DNAJC3: variants seen among roughly 807,000 people sequenced by gnomAD.
DNAJC3 encodes DnaJ heat shock protein family (Hsp40) member C3, also known as dnaJ homolog subfamily C member 3.
A neutral mutation model predicts 68.6 loss-of-function variants in DNAJC3; 38 were observed. The observed-to-expected ratio is 0.55, with a 90% confidence interval of 0.43 to 0.73. DNAJC3 has a LOEUF of 0.73. DNAJC3 is among the 30% of genes least tolerant of loss of function. The pLI is 0.00. For missense variants in DNAJC3, 526 were observed against 591.9 expected, an observed-to-expected ratio of 0.89 and a Z score of 1.16; for synonymous variants, 203 against 204.0, an observed-to-expected ratio of 1.00 and a Z score of 0.04.
chr13:95,780,530 G>A (rs537816419), intron 9 of DNAJC3, among the ~76,000 whole-genome samples: 6 of 152,240 alleles, frequency 3.9e-5, no homozygotes, highest in Admixed American at 1.3e-4. Flanking sequence ...TTCCCCCTTC[G>A]TCTTAGGTTC....
rs368847098 is a variant in DNAJC3, at chr13:95,775,605, T to C, written c.1076-10334T>C. Among the ~76,000 whole-genome samples, 3 of 152,326 alleles carry C rather than the reference T, an allele frequency of 2.0e-5. No homozygotes were observed. The South Asian group carries it at 6.2e-4, about 32-fold the overall frequency. On this transcript the variant is annotated intron_variant, in intron 9 of 11. Transcript: ENST00000602402. ...TTACCTTTCAGCTACATTTTAAGTA[T>C]GTGTTAGTATACTTTTATAATGTTT...
At chr13:95,758,478 A>G (rs982765460) in intron 5 of DNAJC3, among the ~76,000 whole-genome samples, 1 of 151,966 alleles carries the variant, frequency 6.6e-6, no homozygotes, top group African/African-American at 2.4e-5. Context: ...TCTAAAAAAA[A>G]AAAAAAGAAA....
At chr13:95,779,507 T>C (rs971641190) in intron 9 of DNAJC3, among the ~76,000 whole-genome samples, 6 of 152,350 alleles carry the variant, frequency 3.9e-5, no homozygotes, top group Admixed American at 1.3e-4. Context: ...GAAAGTAATA[T>C]GCAATACACA....
chr13:95,709,123 C>A, intron 1 of DNAJC3, 104 bp from the exon 2 acceptor site: 1 of 754,984 alleles, frequency 1.3e-6, no homozygotes, highest in Non-Finnish European at 1.9e-6. Flanking sequence ...CTTTTCTCAT[C>A]TGAGTAGATG....
At chr13:95,711,527 T>C (rs923202458) in intron 2 of DNAJC3, among the ~76,000 whole-genome samples, 3 of 151,472 alleles carry the variant, frequency 2.0e-5, no homozygotes, top group Non-Finnish European at 4.4e-5. Flanking sequence ...ACAAAAACTC[T>C]ACTCAAGAGA....
intron 1 of DNAJC3, among the ~76,000 whole-genome samples, chr13:95,685,266 A>G (rs1880042675): frequency 6.6e-6 from 1 of 152,206 alleles, no homozygotes; most frequent in African/African-American, 2.4e-5. Flanking sequence ...TGAGACATGG[A>G]GTCAAAGGAG....
chr13:95,746,662 T>C (rs1015306075), intron 4 of DNAJC3, among the ~76,000 whole-genome samples: 1 of 152,220 alleles, frequency 6.6e-6, no homozygotes, highest in Non-Finnish European at 1.5e-5. Flanking sequence ...TTTTATATGT[T>C]CTTGGTTAAA....
intron 1 of DNAJC3, among the ~76,000 whole-genome samples, chr13:95,679,734 T>G (rs941048840): frequency 6.6e-6 from 1 of 152,228 alleles, no homozygotes; most frequent in Non-Finnish European, 1.5e-5. Context: ...GCTTCACTCT[T>G]ATTAATCTGC....
chr13:95,730,059 G>A (rs1214749112), intron 4 of DNAJC3, among the ~76,000 whole-genome samples: 5 of 152,068 alleles, frequency 3.3e-5, no homozygotes, highest in African/African-American at 9.7e-5. Context: ...TGGCATGATC[G>A]TGGCTTACTG....
At chr13:95,775,917 C>T (rs373513889) in intron 9 of DNAJC3, among the ~76,000 whole-genome samples, 3 of 152,238 alleles carry the variant, frequency 2.0e-5, no homozygotes, top group South Asian at 2.1e-4. Flanking sequence ...CTCTGTCTTA[C>T]TAAGAACATC....
At chr13:95,783,395 A>G (rs1883509051) in intron 9 of DNAJC3, among the ~76,000 whole-genome samples, 1 of 152,240 alleles carries the variant, frequency 6.6e-6, no homozygotes, top group Non-Finnish European at 1.5e-5. Context: ...TGTTTTAAAT[A>G]TAGAGTCTGC....
At chr13:95,786,956 A>C in intron 10 of DNAJC3, 51 bp from the exon 11 acceptor site, 1 of 1,560,798 alleles carries the variant, frequency 6.4e-7, no homozygotes, top group Non-Finnish European at 8.6e-7. Context: ...TTTTTATGAT[A>C]GTATGTTAGA....
chr13:95,728,643 G>A (rs6492818), intron 4 of DNAJC3, among the ~76,000 whole-genome samples: 17,335 of 152,130 alleles, frequency 0.11, 1,052 homozygotes, highest in Middle Eastern at 0.18. Flanking sequence ...TTCACAGGAT[G>A]TTTTATAGAA....
chr13:95,744,389 A>T lies in DNAJC3; in HGVS notation c.394-13255A>T, dbSNP rs189164105. 2.7e-3 allele frequency among the ~76,000 whole-genome samples: 414 copies of T among 152,344 alleles called. 2 individuals carry two copies. Among genetic ancestry groups the T allele is most frequent in the African/African-American group, 9.7e-3 (404 of 41,574 alleles). On this transcript the variant is annotated intron_variant, in intron 4 of 11. Transcript: ENST00000602402. ...AAGTTAAATTTCAAAACTACAAGTC[A>T]TTTTTAAAAGTTATATTAAAACAAT...
rs1420310732 is a variant in DNAJC3 at position 95,794,918 on chromosome 13, A to G, written c.*3888A>G. The G allele has an allele frequency of 6.6e-6, 1 of 152,280 alleles. No individual in the cohort carries two copies. Among genetic ancestry groups the G allele is most frequent in the Non-Finnish European group, 1.5e-5 (1 of 68,054 alleles). 9.4% of individuals were successfully genotyped at this position (152,280 alleles called of 1,614,324 possible). Reference sequence around the variant, plus strand: ...TTTGAAATGGGTCTCAGACATGTCTACAAATATGGGTACTATTTTTATGCC... The same window carrying G: ...TTTGAAATGGGTCTCAGACATGTCTGCAAATATGGGTACTATTTTTATGCC... On this transcript the variant is annotated 3_prime_UTR_variant, in exon 12 of 12. Coordinates refer to ENST00000602402, the MANE Select transcript of DNAJC3 (RefSeq NM_006260.5).
intron 4 of DNAJC3, among the ~76,000 whole-genome samples, chr13:95,738,159 C>A (rs1460977127): frequency 1.4e-5 from 2 of 147,642 alleles, no homozygotes; most frequent in Admixed American, 6.7e-5. Flanking sequence ...ATCCTGAGTT[C>A]TAGTTTGATT....
At chr13:95,781,869 T>C (rs143287923) in intron 9 of DNAJC3, among the ~76,000 whole-genome samples, 1 of 152,040 alleles carries the variant, frequency 6.6e-6, no homozygotes, top group Non-Finnish European at 1.5e-5. Flanking sequence ...GTTTGTTACA[T>C]AGGTATACAC....
intron 1 of DNAJC3, among the ~76,000 whole-genome samples, chr13:95,702,472 A>G (rs747452665): frequency 9.9e-5 from 15 of 152,192 alleles, no homozygotes; most frequent in South Asian, 2.1e-4. Flanking sequence ...CATGCCCCCA[A>G]TTCATATGTT....
intron 2 of DNAJC3, among the ~76,000 whole-genome samples, chr13:95,716,488 C>T (rs1480585460): frequency 1.3e-5 from 2 of 152,156 alleles, no homozygotes; most frequent in Non-Finnish European, 2.9e-5. Context: ...AAGGACGGGG[C>T]CAGTGTGACA....
Sources: gnomAD v4.1 joint callset for allele counts (sites outside exome capture counted in the v4.1 genomes callset) on GRCh38, gnomAD v4.1.1 for gene constraint, MANE v1.5 for transcripts, NCBI Gene and HGNC (gene_info 2026-07-23, HGNC 2026-07-21) for gene names.